DZIP3: variants seen among roughly 807,000 people sequenced by gnomAD.
The protein encoded by DZIP3 is E3 ubiquitin-protein ligase DZIP3.
In DZIP3, 118 loss-of-function variants were observed where a neutral mutation model predicts 162.0. The observed-to-expected ratio is 0.73, with a 90% confidence interval of 0.63 to 0.85. DZIP3 has a LOEUF of 0.85. Ranked by LOEUF, DZIP3 falls within the 40% of genes least tolerant of loss-of-function variation. DZIP3 has a pLI of 0.00. For synonymous variants in DZIP3, 438 were observed against 458.6 expected (o/e 0.96, Z 0.57); for missense variants, 1,331 against 1,407.0 (o/e 0.95, Z 0.86).
chr3:108,614,842 C>G (rs1940916402), intron 4 of DZIP3, among the ~76,000 whole-genome samples: 1 of 152,178 alleles, frequency 6.6e-6, no homozygotes, highest in East Asian at 1.9e-4. Context: ...CAGTGGCCCA[C>G]CATGGGTAAC....
At chr3:108,674,476 G>A (rs926336679) in intron 24 of DZIP3, among the ~76,000 whole-genome samples, 2 of 151,882 alleles carry the variant, frequency 1.3e-5, no homozygotes, top group Non-Finnish European at 2.9e-5. Flanking sequence ...TGAGTACTAT[G>A]TACAATAATA....
chr3:108,605,294 G>T, intron 1 of DZIP3, 41 bp from the exon 2 acceptor site: 2 of 1,395,518 alleles, frequency 1.4e-6, no homozygotes, highest in Non-Finnish European at 2.0e-6. Context: ...GAGAAAGAGT[G>T]TAACTTTCCT....
chr3:108,602,699 A>G (rs971865696), intron 1 of DZIP3: 3 of 152,026 alleles, frequency 2.0e-5, no homozygotes, highest in Admixed American at 6.5e-5. Flanking sequence ...CCTTTGGGTT[A>G]TTTTAGCAGC....
At chr3:108,616,705 T>C (rs1226447874) in intron 5 of DZIP3, 48 bp downstream of exon 5, 1 of 1,359,666 alleles carries the variant, frequency 7.4e-7, no homozygotes, top group Admixed American at 2.1e-5. Context: ...TTGGTCAACA[T>C]TTCTCAGTGA....
intron 3 of DZIP3, 80 bp downstream of exon 3, chr3:108,608,238 C>T: frequency 8.6e-7 from 1 of 1,167,856 alleles, no homozygotes; most frequent in Non-Finnish European, 1.3e-6. Flanking sequence ...TACATCTAGT[C>T]AGTTTAATTA....
intron 19 of DZIP3, among the ~76,000 whole-genome samples, chr3:108,658,822 C>T (rs1943273138): frequency 6.6e-6 from 1 of 152,036 alleles, no homozygotes; most frequent in African/African-American, 2.4e-5. Context: ...ACCACCAATC[C>T]CACAGAAATA....
chr3:108,628,028 G>A (rs994522806), intron 7 of DZIP3, among the ~76,000 whole-genome samples: 2 of 152,082 alleles, frequency 1.3e-5, no homozygotes, highest in South Asian at 2.1e-4. Context: ...ACAGGCATGC[G>A]CCATCATGCC....
chr3:108,679,593 A>G (rs1944231121), intron 26 of DZIP3, among the ~76,000 whole-genome samples: 1 of 152,116 alleles, frequency 6.6e-6, no homozygotes, highest in Non-Finnish European at 1.5e-5. Context: ...TTGGGAGAAG[A>G]GCACCTAGAA....
At chr3:108,686,701 T>C (rs1333231594) in intron 28 of DZIP3, 117 bp downstream of exon 28, 2 of 1,221,298 alleles carry the variant, frequency 1.6e-6, no homozygotes, top group African/African-American at 3.1e-5. Flanking sequence ...AGTACAGATG[T>C]TTCCTTACCT....
In DZIP3 at chr3:108,634,937, T is replaced by G; in HGVS notation, c.883T>G (p.Phe295Val). 6.2e-7 allele frequency: 1 copy of G among 1,609,732 alleles called. No individual in the cohort carries two copies. The highest frequency in any genetic ancestry group is 1.1e-5 in the South Asian group (1 of 90,630). ...TTTCCATAAAATTTGCTGGAAAAAG[T>G]TCAAGAATTTAAAGTATCCAGGTGA... is the stretch of plus-strand genomic sequence containing the variant. ...VYFHKICWKK[F>V]KNLKYPGEND... Residue 295 changes from phenylalanine to valine, a missense_variant, in exon 10 of 33, where the codon TTC becomes GTC. Around this residue, in one of 2 missense-constraint regions of DZIP3, gnomAD observed 1,278 missense variants for 1,317.1 expected, o/e 0.97. Coordinates refer to ENST00000361582, the MANE Select transcript of DZIP3 (RefSeq NM_014648.4).
chr3:108,637,613 A>C (rs1942215042), intron 12 of DZIP3, 65 bp downstream of exon 12: 2 of 1,383,206 alleles, frequency 1.4e-6, no homozygotes, highest in Admixed American at 3.9e-5. Context: ...TGGTTGCTTA[A>C]TTCTTCTGTG....
chr3:108,617,341 A>G (rs1037576349), intron 5 of DZIP3, among the ~76,000 whole-genome samples: 4 of 152,348 alleles, frequency 2.6e-5, no homozygotes, highest in Middle Eastern at 6.8e-3. Context: ...CAATGTATAC[A>G]TATTTTATAA....
At chr3:108,669,824 T>G (rs555774471) in intron 22 of DZIP3, 75 bp downstream of exon 22, 1 of 1,193,442 alleles carries the variant, frequency 8.4e-7, no homozygotes, top group African/African-American at 1.5e-5. Context: ...GGCTGGCATA[T>G]TGATGTAATT....
intron 31 of DZIP3, among the ~76,000 whole-genome samples, chr3:108,689,885 T>C (rs555060820): frequency 3.7e-4 from 57 of 152,258 alleles, no homozygotes; most frequent in African/African-American, 1.3e-3. Context: ...AAGTAAATAA[T>C]AGCCAGTTCA....
chr3:108,632,959 C>A lies in DZIP3; in HGVS notation c.703C>A (p.Leu235Ile). 1 of 1,395,090 alleles carries A rather than the reference C, an allele frequency of 7.2e-7. No individual in the cohort carries two copies. The highest frequency in any genetic ancestry group is 9.6e-7 in the Non-Finnish European group (1 of 1,040,992). 86.4% of individuals were successfully genotyped at this position (1,395,090 alleles called of 1,614,324 possible). ...TTCTGTTTTTAAAATCTAGGATCTT[C>A]TTAATAATTTTATCAAGACAACTGA... ...EDLPTTFKDLLNNFIKTTESN... is the reference protein window; with the variant it reads ...EDLPTTFKDLINNFIKTTESN... The change falls in exon 9 of 33, where the codon CTT becomes ATT. Residue 235 changes from leucine (L) to isoleucine (I), a missense_variant. Leu to Ile is a conservative substitution (Grantham distance 5, BLOSUM62 2). Transcript: ENST00000361582.
intron 1 of DZIP3, among the ~76,000 whole-genome samples, chr3:108,600,251 T>C (rs573526582): frequency 2.6e-4 from 40 of 152,322 alleles, no homozygotes; most frequent in Non-Finnish European, 5.1e-4. Flanking sequence ...TAATTCAATG[T>C]TGAGTTAGGA....
rs1352152330 is a variant in DZIP3 at position 108,644,604 on chromosome 3, T to G, written c.1582T>G (p.Ser528Ala). The G allele has an allele frequency of 1.2e-6, 2 of 1,614,044 alleles. No individual in the cohort carries two copies. The highest frequency in any genetic ancestry group is 4.5e-5 in the East Asian group (2 of 44,866). Residue 528 changes from serine to alanine, a missense_variant, in exon 14 of 33, where the codon TCA (serine) becomes GCA (alanine). By Grantham distance (99) the Ser-to-Ala change is moderately conservative (BLOSUM62 1). This residue lies in a region of DZIP3 where 1,278 missense variants were observed against 1,317.1 expected (regional missense o/e 0.97). Coordinates refer to ENST00000361582, the MANE Select transcript of DZIP3 (RefSeq NM_014648.4). ...MNGLTESQFN[S>A]IWKKVSDILL... ...TGGTCTCACTGAGTCACAGTTCAAT[T>G]CAATTTGGAAAAAAGTTTCAGATAT...
chr3:108,599,233 G>T (rs529389533), intron 1 of DZIP3, among the ~76,000 whole-genome samples: 1 of 152,266 alleles, frequency 6.6e-6, no homozygotes, highest in East Asian at 1.9e-4. Flanking sequence ...TTTTGGGATA[G>T]AAAATATCTT....
At chr3:108,593,195 CTT>C (rs1352759907) in intron 1 of DZIP3, among the ~76,000 whole-genome samples, 1 of 152,132 alleles carries the variant, frequency 6.6e-6, no homozygotes, top group Non-Finnish European at 1.5e-5. Context: ...ATAGTTTACA[CTT>C]ATTGAGCATT....
Sources: gnomAD v4.1 joint callset for allele counts (sites outside exome capture counted in the v4.1 genomes callset) on GRCh38, gnomAD v4.1.1 for gene constraint, gnomAD v4.1.1 regional missense constraint, MANE v1.5 for transcripts, NCBI Gene and HGNC (gene_info 2026-07-23, HGNC 2026-07-21) for gene names.